PACRG: variants seen among roughly 807,000 people sequenced by gnomAD.
The protein encoded by PACRG is parkin coregulated gene protein.
Under a neutral mutation model 29.7 loss-of-function variants are expected in PACRG, and 29 were observed. The ratio of observed to expected loss-of-function variants is 0.98; its 90% CI spans 0.73 to 1.33. The LOEUF (loss-of-function observed/expected upper bound fraction) is 1.33, where lower values mean the gene tolerates loss of function less well. Among genes scored for constraint, PACRG ranks in the 40% most tolerant of loss-of-function variants. The probability of loss-of-function intolerance (pLI) is 0.00; values close to 1 mark genes in which losing one functional copy is unlikely to be tolerated. For missense variants in PACRG, 279 were observed against 316.2 expected (o/e 0.88, Z 0.89); for synonymous variants, 116 against 118.7 (o/e 0.98, Z 0.15).
At chr6:162,839,768 G>C (rs1293471654) in intron 2 of PACRG, among the ~76,000 whole-genome samples, 1 of 152,052 alleles carries the variant, frequency 6.6e-6, no homozygotes, top group Non-Finnish European at 1.5e-5. Flanking sequence ...ATTGATTTTT[G>C]TATAAGGTAT....
intron 4 of PACRG, among the ~76,000 whole-genome samples, chr6:163,198,214 T>C (rs1780555350): frequency 6.6e-6 from 1 of 152,252 alleles, no homozygotes; most frequent in Non-Finnish European, 1.5e-5. Context: ...AGATTTTTAA[T>C]ATAGTCTGCA....
rs185601020 is a variant in PACRG at position 163,045,473 on chromosome 6, C to T, written c.292-16677C>T. 1.2e-3 allele frequency among the ~76,000 whole-genome samples: 189 copies of T among 152,004 alleles called. 1 individual carries two copies. The East Asian group carries it at 0.02, about 16-fold the overall frequency. ...CCAAGTAGCTGGGATTACAGGCGCC[C>T]GTCAACACGCCCGGCTAATTTTTTA... On this transcript the variant is annotated intron_variant, in intron 2 of 4. Transcript: ENST00000366888.
At chr6:163,304,242 A>G (rs914052116) in intron 4 of PACRG, among the ~76,000 whole-genome samples, 1 of 152,156 alleles carries the variant, frequency 6.6e-6, no homozygotes, top group Non-Finnish European at 1.5e-5. Flanking sequence ...TGCTATTTCC[A>G]TGGATAACAA....
At chr6:163,267,143 A>T (rs1783558409) in intron 4 of PACRG, among the ~76,000 whole-genome samples, 1 of 141,818 alleles carries the variant, frequency 7.1e-6, no homozygotes, top group South Asian at 2.2e-4. Context: ...AAGCTTTCAC[A>T]CTGGGAGAGG....
intron 4 of PACRG, among the ~76,000 whole-genome samples, chr6:163,237,078 A>G (rs147452294): frequency 9.7e-4 from 148 of 152,308 alleles, no homozygotes; most frequent in Non-Finnish European, 1.6e-3. Flanking sequence ...ACGAGATTTG[A>G]CTGGGGACAC....
chr6:162,999,164 A>G (rs1191666183), intron 2 of PACRG, among the ~76,000 whole-genome samples: 1 of 152,216 alleles, frequency 6.6e-6, no homozygotes, highest in Non-Finnish European at 1.5e-5. Context: ...GAAATACCCA[A>G]ATAATTATGG....
chr6:163,246,355 G>T (rs115311985), intron 4 of PACRG, among the ~76,000 whole-genome samples: 1 of 152,108 alleles, frequency 6.6e-6, no homozygotes, highest in Non-Finnish European at 1.5e-5. Flanking sequence ...GGACACTCTC[G>T]CCCTGGTTCT....
chr6:163,228,663 G>A (rs1368246595), intron 4 of PACRG, among the ~76,000 whole-genome samples: 2 of 152,080 alleles, frequency 1.3e-5, no homozygotes, highest in South Asian at 2.1e-4. Flanking sequence ...GATGGTGAAC[G>A]ATCATGATTA....
chr6:162,741,978 C>G (rs1205318851), intron 1 of PACRG, among the ~76,000 whole-genome samples: 5 of 152,080 alleles, frequency 3.3e-5, no homozygotes, highest in African/African-American at 1.2e-4. Context: ...CTATAGTCAC[C>G]ATGTTGTACA....
At chr6:163,241,767 T>G (rs1782516815) in intron 4 of PACRG, among the ~76,000 whole-genome samples, 1 of 151,686 alleles carries the variant, frequency 6.6e-6, no homozygotes. Flanking sequence ...ATGAAGCGGG[T>G]GTGTAGAAGG....
At chr6:162,959,397 C>T (rs144747868) in intron 2 of PACRG, among the ~76,000 whole-genome samples, 1,711 of 152,098 alleles carry the variant, frequency 0.011, 17 homozygotes, top group Non-Finnish European at 0.019. Flanking sequence ...GTCCACCACA[C>T]GCACTCTGTG....
At chr6:162,727,451 G>C (rs988038592), upstream of PACRG, among the ~76,000 whole-genome samples, 1 of 152,076 alleles carries the variant, frequency 6.6e-6, no homozygotes, top group African/African-American at 2.4e-5. Flanking sequence ...GCAGGGGCGG[G>C]CAGGCGAGGG....
intron 2 of PACRG, among the ~76,000 whole-genome samples, chr6:162,956,075 C>A (rs1800008808): frequency 1.3e-5 from 2 of 152,174 alleles, no homozygotes; most frequent in South Asian, 4.1e-4. Context: ...TACCCTGTTG[C>A]TTGCACTGAG....
intron 3 of PACRG, among the ~76,000 whole-genome samples, chr6:163,067,842 T>C (rs1381430587): frequency 3.3e-5 from 5 of 152,168 alleles, no homozygotes. Context: ...CCACATCTGC[T>C]ATGATTACTT....
At chr6:162,736,915 T>C (rs938794914) in intron 1 of PACRG, among the ~76,000 whole-genome samples, 5 of 152,182 alleles carry the variant, frequency 3.3e-5, no homozygotes, top group Non-Finnish European at 5.9e-5. Context: ...ATGCTTTGAA[T>C]TTGTCATAAT....
chr6:162,927,344 C>T (rs913064958), intron 2 of PACRG, among the ~76,000 whole-genome samples: 1 of 152,014 alleles, frequency 6.6e-6, no homozygotes, highest in African/African-American at 2.4e-5. Context: ...TATAAAGATA[C>T]ATGCAAATGT....
chr6:163,267,557 T>C (rs1431695881), intron 4 of PACRG, among the ~76,000 whole-genome samples: 1 of 152,246 alleles, frequency 6.6e-6, no homozygotes. Flanking sequence ...ATTTGTTTCT[T>C]TGAAGTATCT....
chr6:162,807,337 C>T (rs1786436796), intron 1 of PACRG, among the ~76,000 whole-genome samples: 2 of 152,190 alleles, frequency 1.3e-5, no homozygotes, highest in East Asian at 3.8e-4. Context: ...CTATTTGGTA[C>T]AAGAGGTCTT....
chr6:162,729,115 A>G (rs1477155752), intron 1 of PACRG, among the ~76,000 whole-genome samples: 1 of 152,190 alleles, frequency 6.6e-6, no homozygotes, highest in East Asian at 1.9e-4. Context: ...AATATATACA[A>G]ATATTTTAGC....
Sources: gnomAD v4.1 joint callset for allele counts (sites outside exome capture counted in the v4.1 genomes callset) on GRCh38, gnomAD v4.1.1 for gene constraint, MANE v1.5 for transcripts, NCBI Gene and HGNC (gene_info 2026-07-23, HGNC 2026-07-21) for gene names.